CACNA2D1: variants seen among roughly 807,000 people sequenced by gnomAD.
The protein encoded by CACNA2D1 is voltage-dependent calcium channel subunit alpha-2/delta-1.
In CACNA2D1, 53 loss-of-function variants were observed where a neutral mutation model predicts 171.5. The observed-to-expected ratio is 0.31, with a 90% CI of 0.25 to 0.39. The LOEUF is 0.39. Ranked by LOEUF, CACNA2D1 falls within the 10% of genes least tolerant of loss-of-function variation. The probability of loss-of-function intolerance (pLI) is 1.00; values close to 1 mark genes in which losing one functional copy is unlikely to be tolerated. For synonymous variants in CACNA2D1, 442 were observed against 443.1 expected (o/e 1.00, Z 0.03); for missense variants, 903 against 1,299.8 (o/e 0.69, Z 4.69).
intron 38 of CACNA2D1, among the ~76,000 whole-genome samples, chr7:81,956,179 G>A (rs1294348751): frequency 6.6e-6 from 1 of 151,320 alleles, no homozygotes; most frequent in South Asian, 2.1e-4. Context: ...TCACCAGGTT[G>A]CCCAGGCTGG....
chr7:82,330,713 T>C (rs925374662), intron 3 of CACNA2D1, among the ~76,000 whole-genome samples: 4 of 152,158 alleles, frequency 2.6e-5, no homozygotes, highest in African/African-American at 7.2e-5. Flanking sequence ...AATATTCTAT[T>C]ATCTAGATCA....
chr7:82,297,072 C>CAAAAAAAAAAAAAAAAAAAAAAA (rs57473351), intron 3 of CACNA2D1, among the ~76,000 whole-genome samples: 6 of 72,256 alleles, frequency 8.3e-5, no homozygotes, highest in Non-Finnish European at 1.2e-4. Context: ...CTGTGTCTAC[C>CAAAAAAAAAAAAAAAAAAAAAAA]AAAAAAAAAA....
At chr7:82,196,214 C>G (rs920436448) in intron 3 of CACNA2D1, among the ~76,000 whole-genome samples, 2 of 152,070 alleles carry the variant, frequency 1.3e-5, no homozygotes, top group African/African-American at 4.8e-5. Flanking sequence ...TATACATGGT[C>G]TAATAACTCT....
At chr7:82,339,828 A>AC (rs1199325510) in intron 2 of CACNA2D1, among the ~76,000 whole-genome samples, 1 of 152,208 alleles carries the variant, frequency 6.6e-6, no homozygotes, top group Non-Finnish European at 1.5e-5. Context: ...AGAACCTGTT[A>AC]ATATGTTGTT....
At position 82,066,466 on chromosome 7, in the gene CACNA2D1, G is replaced by T; in HGVS notation, c.717C>A (p.Arg239=). The T allele has an allele frequency of 6.2e-7, 1 of 1,608,664 alleles. No individual in the cohort carries two copies. Among genetic ancestry groups the T allele is most frequent in the Non-Finnish European group, 8.5e-7 (1 of 1,178,512 alleles). ...TPNKIDLYDV[R]RRPWYIQGAA... ...CTAAAAATTCTTACCATGGTCTTCTGCGTACATCATAAAGGTCAATCTTAT... is the reference window on the plus strand; with the variant it reads ...CTAAAAATTCTTACCATGGTCTTCTTCGTACATCATAAAGGTCAATCTTAT... Residue 239 remains arginine (R), a synonymous_variant, in exon 8 of 39, where the codon CGC becomes CGA. Coordinates refer to ENST00000356860, the MANE Select transcript of CACNA2D1 (RefSeq NM_000722.4).
intron 11 of CACNA2D1, among the ~76,000 whole-genome samples, chr7:82,035,012 T>C (rs1803134346): frequency 6.6e-6 from 1 of 152,094 alleles, no homozygotes; most frequent in Admixed American, 6.6e-5. Flanking sequence ...TTTGCAATTA[T>C]CTAAAGAATC....
chr7:82,195,219 G>C (rs1798727717), intron 3 of CACNA2D1, among the ~76,000 whole-genome samples: 1 of 151,964 alleles, frequency 6.6e-6, no homozygotes, highest in South Asian at 2.1e-4. Context: ...GTCTCATAAG[G>C]GAAATAGATG....
intron 2 of CACNA2D1, among the ~76,000 whole-genome samples, chr7:82,341,637 G>A (rs1818645219): frequency 6.6e-6 from 1 of 151,974 alleles, no homozygotes; most frequent in Non-Finnish European, 1.5e-5. Flanking sequence ...AGGGCTGCTG[G>A]GTAAAGAACT....
At chr7:82,385,366 T>G (rs3801680) in intron 1 of CACNA2D1, among the ~76,000 whole-genome samples, 21,014 of 152,134 alleles carry the variant, frequency 0.14, 1,532 homozygotes, top group Middle Eastern at 0.17. Context: ...TCCACCTCCA[T>G]CCTCTTTCCC....
intron 10 of CACNA2D1, among the ~76,000 whole-genome samples, chr7:82,043,013 T>C (rs1334521070): frequency 6.6e-6 from 1 of 152,202 alleles, no homozygotes; most frequent in Non-Finnish European, 1.5e-5. Flanking sequence ...GTAATAAACA[T>C]GCTATAAATA....
At chr7:81,994,662 T>C (rs946887721) in intron 20 of CACNA2D1, among the ~76,000 whole-genome samples, 1 of 151,902 alleles carries the variant, frequency 6.6e-6, no homozygotes, top group East Asian at 1.9e-4. Flanking sequence ...GCAATAGTAT[T>C]TTATAAAAAG....
chr7:82,263,270 G>A (rs1002716004), intron 3 of CACNA2D1, among the ~76,000 whole-genome samples: 1 of 151,684 alleles, frequency 6.6e-6, no homozygotes, highest in Non-Finnish European at 1.5e-5. Flanking sequence ...CACCAAGCCT[G>A]GCTGATTTTT....
chr7:82,013,768 A>C (rs774379602), intron 13 of CACNA2D1, among the ~76,000 whole-genome samples: 1 of 151,916 alleles, frequency 6.6e-6, no homozygotes, highest in Non-Finnish European at 1.5e-5. Context: ...AATAGGAAAC[A>C]TGGTATCATT....
At chr7:82,335,073 GA>G in intron 3 of CACNA2D1, 61 bp downstream of exon 3, 5 of 1,090,990 alleles carry the variant, frequency 4.6e-6, no homozygotes, top group Non-Finnish European at 7.1e-6. Context: ...AATAGAGCAT[GA>G]AAATTAAATA....
At chr7:82,270,175 C>G (rs1808431856) in intron 3 of CACNA2D1, among the ~76,000 whole-genome samples, 1 of 152,114 alleles carries the variant, frequency 6.6e-6, no homozygotes, top group South Asian at 2.1e-4. Context: ...CACTGTTAAT[C>G]TTTGTTTTTG....
intron 6 of CACNA2D1, among the ~76,000 whole-genome samples, chr7:82,090,793 T>C (rs774464602): frequency 6.6e-6 from 1 of 152,148 alleles, no homozygotes; most frequent in African/African-American, 2.4e-5. Flanking sequence ...TGGACAATCA[T>C]AGAATATTAG....
intron 1 of CACNA2D1, among the ~76,000 whole-genome samples, chr7:82,387,563 A>T (rs934464238): frequency 6.7e-6 from 1 of 149,826 alleles, no homozygotes; most frequent in African/African-American, 2.6e-5. Context: ...TTATGAAGTT[A>T]TAATATATTG....
Position 82,080,203 on chromosome 7 carries a change from T to G in CACNA2D1, c.658+4566A>C, listed in dbSNP as rs376668470. On this transcript the variant is annotated intron_variant, in intron 7 of 38. Transcript: ENST00000356860. Reference sequence around the variant, plus strand: ...TATAAAAATAAATTGCTCACCTGCCTCTTTGTATGTGACTCTGCTTTAAGT... The same window carrying G: ...TATAAAAATAAATTGCTCACCTGCCGCTTTGTATGTGACTCTGCTTTAAGT... 1.4e-4 allele frequency among the ~76,000 whole-genome samples: 21 copies of G among 151,690 alleles called. No individual in the cohort carries two copies. In the East Asian group the frequency reaches 3.1e-3, roughly 22 times the overall value.
intron 3 of CACNA2D1, among the ~76,000 whole-genome samples, chr7:82,328,322 T>A (rs999301336): frequency 1.3e-5 from 2 of 152,128 alleles, no homozygotes; most frequent in Non-Finnish European, 2.9e-5. Context: ...AATTCATATG[T>A]AGCTTGGGCC....
Sources: allele counts gnomAD v4.1 joint callset (sites outside exome capture counted in the v4.1 genomes callset), GRCh38; gene constraint gnomAD v4.1.1; transcripts MANE v1.5; gene names NCBI Gene and HGNC (gene_info 2026-07-23, HGNC 2026-07-21).